Variants in CADPS observed in about 807,000 individuals in gnomAD.
The protein encoded by CADPS is calcium-dependent secretion activator 1.
Under a neutral mutation model 167.3 loss-of-function variants are expected in CADPS, and 57 were observed. The observed-to-expected ratio is 0.34, with a 90% confidence interval of 0.28 to 0.42. The LOEUF (loss-of-function observed/expected upper bound fraction) is 0.42. Ranked by LOEUF, CADPS falls within the 20% of genes least tolerant of loss-of-function variation. The probability of loss-of-function intolerance (pLI) is 1.00; values close to 1 mark genes in which losing one functional copy is unlikely to be tolerated. For synonymous variants in CADPS, 676 were observed against 635.3 expected, an observed-to-expected ratio of 1.06 and a Z score of -0.96; for missense variants, 1,414 against 1,738.1, an observed-to-expected ratio of 0.81 and a Z score of 3.32.
intron 26 of CADPS, among the ~76,000 whole-genome samples, chr3:62,456,271 T>C (rs2058673658): frequency 6.6e-6 from 1 of 152,188 alleles, no homozygotes. Flanking sequence ...TTACTTATTA[T>C]TCCTCCTTAA....
intron 29 of CADPS, among the ~76,000 whole-genome samples, chr3:62,400,608 T>C (rs1406923073): frequency 2.0e-5 from 3 of 150,224 alleles, no homozygotes; most frequent in African/African-American, 4.9e-5. Flanking sequence ...TTTCTTTTTT[T>C]TTTTTTTTCA....
Position 62,602,653 on chromosome 3 carries a change from AC to A in CADPS, c.1326-9906del, listed in dbSNP as rs1218559573. ...TTTAGTGTACTAGAAAAGCTAAGCT[AC>A]CTCTCATCTACATAAGTGAGGCGTT... is the stretch of plus-strand genomic sequence containing the variant. On this transcript the variant is annotated intron_variant, in intron 6 of 29. Transcript: ENST00000383710. This position sits in a 1 kb window ranked among gnomAD's most constrained non-coding sequence, Gnocchi z 4.4. 6.6e-6 allele frequency among the ~76,000 whole-genome samples: 1 copy of A among 152,080 alleles called. No homozygotes were observed. The highest frequency in any genetic ancestry group is 1.5e-5 in the Non-Finnish European group (1 of 68,022).
chr3:62,599,751 T>TAATATATATAG (rs2059544820), intron 6 of CADPS, among the ~76,000 whole-genome samples: 1 of 13,354 alleles, frequency 7.5e-5, no homozygotes, highest in African/African-American at 2.3e-4. Flanking sequence ...ATATAATCTA[T>TAATATATATAG]TATATATATT....
intron 6 of CADPS, among the ~76,000 whole-genome samples, chr3:62,614,522 C>T (rs908304997): frequency 1.3e-5 from 2 of 152,176 alleles, no homozygotes; most frequent in African/African-American, 4.8e-5. Context: ...ACACTAAAAG[C>T]GTAGCTCCTT....
chr3:62,709,185 T>C (rs1222182758), intron 3 of CADPS, among the ~76,000 whole-genome samples: 1 of 152,096 alleles, frequency 6.6e-6, no homozygotes, highest in Non-Finnish European at 1.5e-5. Context: ...GGTCACTCCC[T>C]CTTCTCTTCC....
chr3:62,403,401 C>T (rs1308897401), intron 28 of CADPS: 1 of 361,494 alleles, frequency 2.8e-6, no homozygotes, highest in African/African-American at 2.1e-5. Flanking sequence ...CAATCTAAGA[C>T]AGTTAGGACT....
intron 6 of CADPS, among the ~76,000 whole-genome samples, chr3:62,615,135 G>A (rs1298431541): frequency 4.6e-5 from 7 of 152,144 alleles, no homozygotes; most frequent in African/African-American, 1.4e-4. Flanking sequence ...CAGGGATGAT[G>A]GATGTGGTAT....
chr3:62,687,050 C>T (rs143009018), intron 3 of CADPS, among the ~76,000 whole-genome samples: 21 of 152,226 alleles, frequency 1.4e-4, no homozygotes, highest in African/African-American at 4.1e-4. Flanking sequence ...GTAGCAACAG[C>T]CTGGGAACAG....
chr3:62,589,178 C>G (rs2085359001), intron 7 of CADPS, among the ~76,000 whole-genome samples: 1 of 152,088 alleles, frequency 6.6e-6, no homozygotes, highest in African/African-American at 2.4e-5. Context: ...AAACACAGGT[C>G]TGCTAAGTGT....
At chr3:62,599,824 T>TATTG (rs1562716010) in intron 6 of CADPS, among the ~76,000 whole-genome samples, 57 of 18,910 alleles carry the variant, frequency 3.0e-3, no homozygotes, top group Non-Finnish European at 4.0e-3. Flanking sequence ...ATATTATATA[T>TATTG]TATATATATA....
At chr3:62,721,427 T>C (rs1390485120) in intron 3 of CADPS, among the ~76,000 whole-genome samples, 2 of 152,200 alleles carry the variant, frequency 1.3e-5, no homozygotes, top group South Asian at 2.1e-4. Flanking sequence ...CAGACAACAG[T>C]AGGAAAGTTG....
intron 1 of CADPS, among the ~76,000 whole-genome samples, chr3:62,793,509 G>A (rs2093132047): frequency 6.6e-6 from 1 of 152,156 alleles, no homozygotes; most frequent in Non-Finnish European, 1.5e-5. Context: ...AGTTAAACCA[G>A]AATGTGGACC....
chr3:62,474,090 A>T, intron 24 of CADPS, 83 bp downstream of exon 24: 1 of 910,554 alleles, frequency 1.1e-6, no homozygotes, highest in Non-Finnish European at 1.6e-6. Context: ...AGACTAGGGT[A>T]GATGGAAGGA....
At chr3:62,741,266 T>C (rs141705740) in intron 3 of CADPS, among the ~76,000 whole-genome samples, 1 of 152,212 alleles carries the variant, frequency 6.6e-6, no homozygotes, top group Non-Finnish European at 1.5e-5. Flanking sequence ...CCTGCCTAAC[T>C]GATTTTATAA....
chr3:62,543,487 T>A (rs1409753154), intron 11 of CADPS, among the ~76,000 whole-genome samples: 1 of 152,130 alleles, frequency 6.6e-6, no homozygotes, highest in African/African-American at 2.4e-5. Flanking sequence ...AAATTCCCAC[T>A]AAGTTTACAT....
At chr3:62,789,613 G>GCAGAAGCCAGCTTCACACTGAA (rs1357887121) in intron 1 of CADPS, among the ~76,000 whole-genome samples, 4 of 152,170 alleles carry the variant, frequency 2.6e-5, no homozygotes, top group African/African-American at 7.2e-5. Context: ...TGGGAGGGGT[G>GCAGAAGCCAGCTTCACACTGAA]CAGAAGCCAG....
intron 8 of CADPS, among the ~76,000 whole-genome samples, chr3:62,575,224 C>T (rs1280013931): frequency 6.6e-6 from 1 of 152,156 alleles, no homozygotes. Context: ...GAGTGTAATT[C>T]ATATTGAATC....
chr3:62,831,447 A>T (rs2075067507), intron 1 of CADPS, among the ~76,000 whole-genome samples: 1 of 152,142 alleles, frequency 6.6e-6, no homozygotes, highest in Non-Finnish European at 1.5e-5. Context: ...GGGAATCAGG[A>T]TGATGGGTTT....
chr3:62,622,548 T>A (rs1025102903), intron 6 of CADPS, among the ~76,000 whole-genome samples: 3 of 152,142 alleles, frequency 2.0e-5, no homozygotes, highest in Non-Finnish European at 4.4e-5. Flanking sequence ...GAAATATTTT[T>A]AAAAAGTCTT....
Sources: gnomAD v4.1 joint callset for allele counts (sites outside exome capture counted in the v4.1 genomes callset) on GRCh38, gnomAD v4.1.1 for gene constraint, Gnocchi (gnomAD v3.1) non-coding constraint, MANE v1.5 for transcripts, NCBI Gene and HGNC (gene_info 2026-07-23, HGNC 2026-07-21) for gene names.